Variants in NTRK3 observed in about 807,000 individuals in gnomAD.
NTRK3 encodes the protein NT-3 growth factor receptor.
In NTRK3, 24 loss-of-function variants were observed where a neutral mutation model predicts 91.7. The ratio of observed to expected loss-of-function variants is 0.26; its 90% CI spans 0.19 to 0.37. The LOEUF is 0.37. Ranked by LOEUF, NTRK3 falls within the 10% of genes least tolerant of loss-of-function variation. The pLI, the probability that NTRK3 is intolerant of heterozygous loss-of-function variation, is 1.00. For synonymous variants in NTRK3, 483 were observed against 404.0 expected (o/e 1.20, Z -2.34); for missense variants, 880 against 1,068.9 (o/e 0.82, Z 2.46).
chr15:88,184,107 T>TG, intron 4 of NTRK3, 118 bp downstream of exon 4: 1 of 991,942 alleles, frequency 1.0e-6, no homozygotes, highest in Non-Finnish European at 1.6e-6. Context: ...AAAGAAGACC[T>TG]GGGGGAGAAA....
chr15:88,143,385 G>C (rs926577194), intron 6 of NTRK3, among the ~76,000 whole-genome samples: 2 of 152,196 alleles, frequency 1.3e-5, no homozygotes, highest in African/African-American at 2.4e-5. Flanking sequence ...GGGTTCTCCC[G>C]CAGAGCCTTT....
At position 88,235,098 on chromosome 15, in the gene NTRK3, A is replaced by G. The variant is rs557132686; in HGVS notation, c.248+20808T>C. On this transcript the variant is annotated intron_variant, in intron 3 of 18. Transcript: ENST00000394480. The surrounding 1 kb of genome is among the most constrained non-coding windows in gnomAD (Gnocchi z 5.2). ...AAGGCAGCCTCCTCACCTCCCCATCATGCCTCATAACAGAGCACTCTGTTG... is the reference window on the plus strand; with the variant it reads ...AAGGCAGCCTCCTCACCTCCCCATCGTGCCTCATAACAGAGCACTCTGTTG... Among the ~76,000 whole-genome samples, 2 of 152,146 alleles carry G rather than the reference A, an allele frequency of 1.3e-5. No homozygotes were observed. The highest frequency in any genetic ancestry group is 2.1e-4 in the South Asian group (1 of 4,802).
chr15:87,865,149 C>G (rs931704200), exon 19 of NTRK3: 4 of 210,472 alleles, frequency 1.9e-5, no homozygotes, highest in Non-Finnish European at 9.6e-6. Context: ...GGGTATGCAG[C>G]TTTATTCTGA....
At chr15:87,940,967 C>T (rs1034835580) in intron 14 of NTRK3, among the ~76,000 whole-genome samples, 7 of 152,174 alleles carry the variant, frequency 4.6e-5, no homozygotes, top group African/African-American at 1.4e-4. Context: ...TGTCCCTGAA[C>T]AACTCCTAAC....
chr15:88,193,184 G>A (rs1412045239), intron 3 of NTRK3, among the ~76,000 whole-genome samples: 1 of 152,020 alleles, frequency 6.6e-6, no homozygotes, highest in Non-Finnish European at 1.5e-5. Flanking sequence ...GTACCTGCAC[G>A]GCCCTCACCC....
At position 88,241,564 on chromosome 15, in the gene NTRK3, T is replaced by C. The variant is rs1219760792; in HGVS notation, c.248+14342A>G. On this transcript the variant is annotated intron_variant, in intron 3 of 18. Transcript: ENST00000394480. This position sits in a 1 kb window ranked among gnomAD's most constrained non-coding sequence, Gnocchi z 4.3. ...GGAAAGGAGGAGGGAGGGTGTGCCCTGGTCAGTCTCACCTAGGAGCAGGGG... is the reference window on the plus strand; with the variant it reads ...GGAAAGGAGGAGGGAGGGTGTGCCCCGGTCAGTCTCACCTAGGAGCAGGGG... 6.6e-6 allele frequency among the ~76,000 whole-genome samples: 1 copy of C among 152,132 alleles called. No homozygotes were observed. Among genetic ancestry groups the C allele is most frequent in the Non-Finnish European group, 1.5e-5 (1 of 67,996 alleles).
chr15:88,075,589 T>C (rs2047469621), intron 13 of NTRK3, among the ~76,000 whole-genome samples: 1 of 152,124 alleles, frequency 6.6e-6, no homozygotes, highest in African/African-American at 2.4e-5. Context: ...AGTCTCCCTT[T>C]TTTCTTTATG....
intron 14 of NTRK3, among the ~76,000 whole-genome samples, chr15:87,994,962 T>C (rs984319783): frequency 6.6e-6 from 1 of 152,182 alleles, no homozygotes; most frequent in African/African-American, 2.4e-5. Flanking sequence ...TCAATAGATA[T>C]AGACATGGAT....
intron 6 of NTRK3, among the ~76,000 whole-genome samples, chr15:88,146,574 C>G (rs1311337900): frequency 2.0e-5 from 3 of 152,176 alleles, no homozygotes; most frequent in Non-Finnish European, 2.9e-5. Flanking sequence ...CACTCATCAA[C>G]ATGAGTTATT....
At chr15:88,247,724 T>C (rs558144755) in intron 3 of NTRK3, among the ~76,000 whole-genome samples, 3 of 152,042 alleles carry the variant, frequency 2.0e-5, no homozygotes, top group Non-Finnish European at 4.4e-5. Context: ...ACGTGGAAAA[T>C]GCACCAAACC....
At chr15:88,070,199 G>A (rs1276924823) in intron 13 of NTRK3, among the ~76,000 whole-genome samples, 1 of 152,302 alleles carries the variant, frequency 6.6e-6, no homozygotes, top group Non-Finnish European at 1.5e-5. Context: ...AGGAGAAAAG[G>A]TAAAGACTAG....
intron 14 of NTRK3, among the ~76,000 whole-genome samples, chr15:87,984,307 CAT>C (rs1227229826): frequency 5.3e-5 from 8 of 152,206 alleles, no homozygotes; most frequent in Non-Finnish European, 1.0e-4. Flanking sequence ...CTCATAGACA[CAT>C]GTCTCTTGCT....
rs548360382 is a variant in NTRK3, at chr15:88,197,077, T to A, written c.249-12778A>T. On this transcript the variant is annotated intron_variant, in intron 3 of 18. Coordinates refer to ENST00000394480, the Ensembl canonical transcript of NTRK3. ...CACAGAGTGCTGTGATTAGAAGAGG[T>A]CTATGGTTGAGCAGGACAAAAAAAA... 1.4e-3 allele frequency among the ~76,000 whole-genome samples: 165 copies of A among 119,934 alleles called. 2 individuals are homozygous for A. Among genetic ancestry groups the A allele is most frequent in the African/African-American group, 5.2e-3 (164 of 31,376 alleles). The allele number at this position is 119,934 out of a possible 152,430, so 78.7% of individuals were successfully genotyped here. A position where few individuals can be genotyped will look rare whatever the true frequency, so the allele number is the denominator to read the frequency against.
intron 14 of NTRK3, among the ~76,000 whole-genome samples, chr15:88,003,595 G>C (rs2076267579): frequency 6.6e-6 from 1 of 152,136 alleles, no homozygotes; most frequent in Non-Finnish European, 1.5e-5. Context: ...TTTGAGCCCA[G>C]GTAGGATGCC....
At chr15:87,876,396 A>G (rs2064950505) in exon 19 of NTRK3, 2 of 229,026 alleles carry the variant, frequency 8.7e-6, no homozygotes, top group African/African-American at 4.4e-5. Context: ...ACAGCCATGC[A>G]GTCCCCACAT....
intron 14 of NTRK3, among the ~76,000 whole-genome samples, chr15:87,945,737 C>G (rs989479559): frequency 6.7e-6 from 1 of 148,246 alleles, no homozygotes; most frequent in African/African-American, 2.5e-5. Context: ...CTCAGCCCTG[C>G]GACCAGGGAG....
At chr15:87,923,934 G>A (rs1387695828) in intron 17 of NTRK3, among the ~76,000 whole-genome samples, 2 of 152,166 alleles carry the variant, frequency 1.3e-5, no homozygotes, top group African/African-American at 4.8e-5. Flanking sequence ...GCCCTCACCA[G>A]ATGAGGCCCC....
At chr15:87,868,307 G>A (rs1481247848) in exon 19 of NTRK3, 1 of 227,672 alleles carries the variant, frequency 4.4e-6, no homozygotes, top group Non-Finnish European at 8.7e-6. Flanking sequence ...CATCAAGATT[G>A]CCTCCGTATG....
chr15:87,872,178 G>T, exon 19 of NTRK3: 1 of 220,236 alleles, frequency 4.5e-6, no homozygotes. Flanking sequence ...CTGGACTGCT[G>T]GCAGGTGGGT....
Sources: allele counts gnomAD v4.1 joint callset (sites outside exome capture counted in the v4.1 genomes callset), GRCh38; gene constraint gnomAD v4.1.1; non-coding constraint Gnocchi (gnomAD v3.1); transcripts MANE v1.5; gene names NCBI Gene and HGNC (gene_info 2026-07-23, HGNC 2026-07-21).